Variants in RBFOX1 observed in about 807,000 individuals in gnomAD.
RBFOX1 encodes RNA binding protein fox-1 homolog 1.
A neutral mutation model predicts 57.7 loss-of-function variants in RBFOX1; 8 were observed. The ratio of observed to expected loss-of-function variants is 0.14; its 90% CI spans 0.08 to 0.25. The LOEUF (loss-of-function observed/expected upper bound fraction) is 0.25, where lower values mean the gene tolerates loss of function less well. Among genes scored for constraint, RBFOX1 ranks in the 10% least tolerant of loss-of-function variants. The pLI is 1.00. For missense variants in RBFOX1, 611 were observed against 548.5 expected, an observed-to-expected ratio of 1.11 and a Z score of -1.14; for synonymous variants, 326 against 222.4, an observed-to-expected ratio of 1.47 and a Z score of -4.15.
At chr16:6,181,376 G>A (rs1383815875) in intron 1 of RBFOX1, among the ~76,000 whole-genome samples, 2 of 152,180 alleles carry the variant, frequency 1.3e-5, no homozygotes, top group African/African-American at 4.8e-5. Context: ...AACTCCAGTC[G>A]ATTTTTGGTG....
chr16:7,017,296 G>A (rs1376324796), intron 3 of RBFOX1, among the ~76,000 whole-genome samples: 2 of 152,096 alleles, frequency 1.3e-5, no homozygotes, highest in Admixed American at 1.3e-4. Context: ...GGCAAATAAT[G>A]GAAATTTATA....
rs1422755224 is a variant in RBFOX1, at chr16:5,919,738, C to G, written c.351+52403C>G. Among the ~76,000 whole-genome samples the G allele has an allele frequency of 4.6e-5, 7 of 152,282 alleles. No individual in the cohort carries two copies. The South Asian group carries it at 1.5e-3, about 32-fold the overall frequency. On this transcript the variant is annotated intron_variant, in intron 4 of 19. Coordinates refer to the RBFOX1 transcript ENST00000641259. The stretch of plus-strand genomic sequence containing the variant: ...CTCGTTTCAAAACATTTTCATTTCT[C>G]CAAAGGAAACCCCATACCCGTTAGG...
chr16:7,192,410 C>G (rs1015572830), intron 4 of RBFOX1, among the ~76,000 whole-genome samples: 2 of 152,098 alleles, frequency 1.3e-5, no homozygotes, highest in African/African-American at 4.8e-5. Flanking sequence ...GAGCTTTAGA[C>G]TCAAATGCCT....
At chr16:7,435,599 G>A (rs947863039) in intron 4 of RBFOX1, among the ~76,000 whole-genome samples, 3 of 152,176 alleles carry the variant, frequency 2.0e-5, no homozygotes, top group African/African-American at 7.2e-5. Context: ...CTGGGTAAAG[G>A]ACCATCAGGT....
chr16:5,456,645 A>G (rs2068638870), intron 1 of RBFOX1, among the ~76,000 whole-genome samples: 1 of 152,160 alleles, frequency 6.6e-6, no homozygotes, highest in Non-Finnish European at 1.5e-5. Context: ...AGTGTATGAA[A>G]TATTTCTTGA....
At chr16:7,393,180 C>T (rs2148515291) in intron 4 of RBFOX1, among the ~76,000 whole-genome samples, 1 of 152,102 alleles carries the variant, frequency 6.6e-6, no homozygotes, top group South Asian at 2.1e-4. Context: ...CACCTGGTGT[C>T]TTGATTTTTA....
At chr16:7,478,870 C>T (rs1205347154) in intron 4 of RBFOX1, among the ~76,000 whole-genome samples, 2 of 152,132 alleles carry the variant, frequency 1.3e-5, no homozygotes, top group Non-Finnish European at 2.9e-5. Context: ...CTTGAAATAG[C>T]TCTGTTGCAT....
chr16:6,439,652 C>T (rs2094325778), intron 2 of RBFOX1, among the ~76,000 whole-genome samples: 1 of 152,134 alleles, frequency 6.6e-6, no homozygotes. Flanking sequence ...CTGTGTGGCT[C>T]AGAACTACTT....
At chr16:6,598,905 C>G (rs2097809750) in intron 2 of RBFOX1, among the ~76,000 whole-genome samples, 1 of 152,104 alleles carries the variant, frequency 6.6e-6, no homozygotes, top group Non-Finnish European at 1.5e-5. Context: ...GAGATTGCGC[C>G]ACTGCACTCC....
rs542616760 is a variant in RBFOX1, at chr16:5,583,857, G to A, written c.259-15045G>A. On this transcript the variant is annotated intron_variant, in intron 2 of 2. Transcript: ENST00000585867. Reference sequence around the variant, plus strand: ...TAAACAGCAGCATCTTCAATGCTGGGCTGCCCCAGTCTAGAGCCCATGGCC... The same window carrying A: ...TAAACAGCAGCATCTTCAATGCTGGACTGCCCCAGTCTAGAGCCCATGGCC... 2.6e-5 allele frequency among the ~76,000 whole-genome samples: 4 copies of A among 152,272 alleles called. No individual in the cohort carries two copies. The East Asian group carries it at 7.7e-4, about 29-fold the overall frequency.
At chr16:7,316,322 C>T (rs1278704227) in intron 4 of RBFOX1, among the ~76,000 whole-genome samples, 1 of 152,132 alleles carries the variant, frequency 6.6e-6, no homozygotes, top group Non-Finnish European at 1.5e-5. Flanking sequence ...TATGTTTTTA[C>T]CTGTTTGTAT....
intron 4 of RBFOX1, among the ~76,000 whole-genome samples, chr16:7,121,734 A>G (rs1188699908): frequency 6.6e-6 from 1 of 152,016 alleles, no homozygotes; most frequent in African/African-American, 2.4e-5. Context: ...AAACTAGAAT[A>G]TCCAAAATAA....
chr16:5,892,050 A>G (rs1186256284), intron 4 of RBFOX1, among the ~76,000 whole-genome samples: 2 of 152,220 alleles, frequency 1.3e-5, no homozygotes, highest in Admixed American at 6.5e-5. Context: ...TATTATTTGC[A>G]TTCCCGTTAG....
intron 3 of RBFOX1, among the ~76,000 whole-genome samples, chr16:5,777,579 A>C (rs2054188229): frequency 6.6e-6 from 1 of 152,192 alleles, no homozygotes; most frequent in South Asian, 2.1e-4. Flanking sequence ...CCTTGTATAA[A>C]TGGTCTTCGA....
At chr16:6,816,835 C>T (rs970009061) in intron 3 of RBFOX1, among the ~76,000 whole-genome samples, 1 of 152,006 alleles carries the variant, frequency 6.6e-6, no homozygotes, top group Non-Finnish European at 1.5e-5. Context: ...GTCTCAAACT[C>T]CTGGGCTCAA....
chr16:7,085,881 C>T (rs1182904620), intron 4 of RBFOX1, among the ~76,000 whole-genome samples: 2 of 152,196 alleles, frequency 1.3e-5, no homozygotes, highest in South Asian at 2.1e-4. Flanking sequence ...CGTTCTGCCC[C>T]ATCAAACCAG....
chr16:6,434,489 G>A (rs2094181960), intron 2 of RBFOX1, among the ~76,000 whole-genome samples: 1 of 152,144 alleles, frequency 6.6e-6, no homozygotes, highest in Non-Finnish European at 1.5e-5. Context: ...GCCCTCATTT[G>A]TGAACTGTGT....
At chr16:7,071,404 C>T (rs2057304793) in intron 4 of RBFOX1, among the ~76,000 whole-genome samples, 1 of 152,044 alleles carries the variant, frequency 6.6e-6, no homozygotes, top group South Asian at 2.1e-4. Flanking sequence ...ATTATTACCC[C>T]TCCTAGCCTC....
chr16:7,675,756 G>A (rs1375226545), intron 13 of RBFOX1, among the ~76,000 whole-genome samples: 3 of 152,138 alleles, frequency 2.0e-5, no homozygotes, highest in Non-Finnish European at 4.4e-5. Flanking sequence ...GTCCTGAGTT[G>A]CCCCTTTATG....
Sources: gnomAD v4.1 joint callset for allele counts (sites outside exome capture counted in the v4.1 genomes callset) on GRCh38, gnomAD v4.1.1 for gene constraint, MANE v1.5 for transcripts, NCBI Gene and HGNC (gene_info 2026-07-23, HGNC 2026-07-21) for gene names.